The following PARM1 variants were observed in gnomAD, a reference collection of about 807,000 sequenced individuals.
PARM1 encodes the protein WSC4, cell wall integrity and stress response component 4 homolog.
In PARM1, 14 loss-of-function variants were observed where a neutral mutation model predicts 24.6. The ratio of observed to expected loss-of-function variants is 0.57; its 90% CI spans 0.38 to 0.89. The LOEUF is 0.89. Ranked by LOEUF, PARM1 falls within the 40% of genes least tolerant of loss-of-function variation. The pLI is 0.00. For missense variants in PARM1, 362 were observed against 380.4 expected (o/e 0.95, Z 0.40); for synonymous variants, 179 against 156.6 (o/e 1.14, Z -1.07).
intron 1 of PARM1, among the ~76,000 whole-genome samples, chr4:74,977,186 C>T (rs1257419901): frequency 3.3e-5 from 5 of 152,100 alleles, no homozygotes; most frequent in African/African-American, 7.2e-5. Flanking sequence ...ATGTTCTAAC[C>T]CAATGCAAAC....
chr4:74,960,408 G>A (rs143395844), intron 1 of PARM1, among the ~76,000 whole-genome samples: 73 of 152,134 alleles, frequency 4.8e-4, no homozygotes, highest in African/African-American at 1.6e-3. Flanking sequence ...GGAAAGTCAC[G>A]ACATATGATC....
In PARM1 at chr4:75,012,799, C is replaced by T. The variant is rs761753424; in HGVS notation, c.418C>T (p.Gln140Ter). Residue 140 changes from glutamine to a stop codon, truncating the protein, a stop_gained, in exon 2 of 4, where the codon CAG becomes TAG. Coordinates refer to ENST00000307428, the MANE Select transcript of PARM1 (RefSeq NM_015393.4). LOFTEE classifies it high-confidence loss of function. ...AGCAGGCGTGGCAGCTACACTGTCGCAGTCCGCTGCTGAGCCTCCCACACT... is the reference window on the plus strand; with the variant it reads ...AGCAGGCGTGGCAGCTACACTGTCGTAGTCCGCTGCTGAGCCTCCCACACT... ...PEAGVAATLS[Q>*]SAAEPPTLIS... 3 of 1,613,990 alleles carry T rather than the reference C, an allele frequency of 1.9e-6. No individual in the cohort carries two copies. The highest frequency in any genetic ancestry group is 8.5e-7 in the Non-Finnish European group (1 of 1,179,882).
At chr4:74,973,675 G>A (rs1034438460) in intron 1 of PARM1, among the ~76,000 whole-genome samples, 1 of 152,030 alleles carries the variant, frequency 6.6e-6, no homozygotes, top group Non-Finnish European at 1.5e-5. Context: ...AAGTTAAATA[G>A]ACCATTTTTT....
rs754987524 is a variant in PARM1, at chr4:75,012,477, G to A, written c.96G>A (p.Pro32=). The A allele has an allele frequency of 3.7e-5, 60 of 1,613,640 alleles. No homozygotes were observed. The Middle Eastern group carries it at 2.1e-3, about 57-fold the overall frequency. The change falls in exon 2 of 4, where the codon CCG becomes CCA. Residue 32 remains proline, a synonymous_variant. Coordinates refer to ENST00000307428, the MANE Select transcript of PARM1 (RefSeq NM_015393.4). The part of the protein sequence containing the change: ...PTSAPLSVSL[P]TNIVPPTTIW... ...CAGCTCCTTTGTCTGTTTCTCTTCCGACAAACATTGTACCACCGACCACCA... is the reference window on the plus strand; with the variant it reads ...CAGCTCCTTTGTCTGTTTCTCTTCCAACAAACATTGTACCACCGACCACCA...
intron 1 of PARM1, among the ~76,000 whole-genome samples, chr4:74,971,435 C>T (rs1722035759): frequency 6.6e-6 from 1 of 152,096 alleles, no homozygotes; most frequent in Non-Finnish European, 1.5e-5. Flanking sequence ...GGGATACAGC[C>T]AAATCATATC....
chr4:74,968,626 A>G (rs1310215703), intron 1 of PARM1, among the ~76,000 whole-genome samples: 1 of 152,208 alleles, frequency 6.6e-6, no homozygotes, highest in Admixed American at 6.5e-5. Context: ...GACTGCAGAG[A>G]TAAGGCAGTT....
chr4:74,980,051 T>C (rs192652952), intron 1 of PARM1, among the ~76,000 whole-genome samples: 5 of 152,132 alleles, frequency 3.3e-5, no homozygotes, highest in African/African-American at 1.2e-4. Context: ...CCCTTGAAAA[T>C]TGGCACAAGA....
chr4:74,970,607 C>A (rs1381548911), intron 1 of PARM1, among the ~76,000 whole-genome samples: 1 of 152,174 alleles, frequency 6.6e-6, no homozygotes, highest in Non-Finnish European at 1.5e-5. Flanking sequence ...AATAGCTATT[C>A]AATTGCCTGG....
chr4:75,023,740 G>A (rs1437999730), intron 2 of PARM1, among the ~76,000 whole-genome samples: 4 of 152,174 alleles, frequency 2.6e-5, no homozygotes, highest in Admixed American at 6.5e-5. Flanking sequence ...CCAAACAACT[G>A]AAGATTTCTA....
intron 1 of PARM1, among the ~76,000 whole-genome samples, chr4:74,987,190 C>T (rs2109776497): frequency 6.6e-6 from 1 of 152,178 alleles, no homozygotes; most frequent in Middle Eastern, 3.4e-3. Context: ...TAACGGACTA[C>T]CTAGTGCCTC....
In PARM1 at chr4:74,933,139, G is replaced by A. The variant is rs1456301201; in HGVS notation, c.-189G>A. ...GCAGAAGAGCGCGGAGCACCGGAGG[G>A]CACGCAGCTGACGGAGCTGCGCTGC... On this transcript the variant is annotated 5_prime_UTR_variant, in exon 1 of 4. Coordinates refer to ENST00000307428, the MANE Select transcript of PARM1 (RefSeq NM_015393.4). 2.0e-5 allele frequency: 11 copies of A among 549,732 alleles called. No individual in the cohort carries two copies. In the South Asian group the frequency reaches 2.5e-4, roughly 12 times the overall value. The allele number at this position is 549,732 out of a possible 1,614,324, so 34.1% of individuals were successfully genotyped here.
intron 1 of PARM1, among the ~76,000 whole-genome samples, chr4:75,000,194 G>C (rs1722650599): frequency 6.6e-6 from 1 of 152,160 alleles, no homozygotes; most frequent in Admixed American, 6.5e-5. Context: ...CAAGAGTTGA[G>C]AGCCTTTGGG....
At chr4:75,040,781 T>A (rs573923050) in intron 3 of PARM1, among the ~76,000 whole-genome samples, 20 of 152,346 alleles carry the variant, frequency 1.3e-4, no homozygotes, top group African/African-American at 3.4e-4. Context: ...TTATTTTTTT[T>A]AAATTATGAC....
At chr4:75,023,727 A>G (rs1723128289) in intron 2 of PARM1, among the ~76,000 whole-genome samples, 1 of 152,206 alleles carries the variant, frequency 6.6e-6, no homozygotes, top group South Asian at 2.1e-4. Context: ...AGTGTTAAAG[A>G]GTCCAAACAA....
chr4:75,019,075 G>T (rs1469798162), intron 2 of PARM1, among the ~76,000 whole-genome samples: 1 of 152,224 alleles, frequency 6.6e-6, no homozygotes, highest in Non-Finnish European at 1.5e-5. Context: ...AATTGGCTGT[G>T]CAGAAGAAGA....
chr4:74,936,465 T>TGTTTG, intron 1 of PARM1, among the ~76,000 whole-genome samples: 1 of 143,728 alleles, frequency 7.0e-6, no homozygotes, highest in African/African-American at 2.6e-5. Flanking sequence ...TTTTTTGTTT[T>TGTTTG]TTTTTTGAGA....
chr4:75,017,381 G>T (rs1352838793), intron 2 of PARM1, among the ~76,000 whole-genome samples: 1 of 152,094 alleles, frequency 6.6e-6, no homozygotes, highest in East Asian at 1.9e-4. Flanking sequence ...CAGTCTTACT[G>T]CTTCTTGAAC....
intron 1 of PARM1, among the ~76,000 whole-genome samples, chr4:74,996,403 C>T (rs1000182357): frequency 6.6e-6 from 1 of 152,102 alleles, no homozygotes; most frequent in Non-Finnish European, 1.5e-5. Flanking sequence ...AAAAGAAAAG[C>T]GAGGAACAAA....
At chr4:74,986,229 T>C (rs552188810) in intron 1 of PARM1, among the ~76,000 whole-genome samples, 1 of 152,282 alleles carries the variant, frequency 6.6e-6, no homozygotes, top group South Asian at 2.1e-4. Flanking sequence ...AAAAAATGGA[T>C]TTGGCTAGAT....
Sources: gnomAD v4.1 joint callset for allele counts (sites outside exome capture counted in the v4.1 genomes callset) on GRCh38, gnomAD v4.1.1 for gene constraint, MANE v1.5 for transcripts, NCBI Gene and HGNC (gene_info 2026-07-23, HGNC 2026-07-21) for gene names.